PTPRK: variants seen among roughly 807,000 people sequenced by gnomAD.
The protein encoded by PTPRK is protein tyrosine phosphatase receptor type K, also known as receptor-type tyrosine-protein phosphatase kappa.
In PTPRK, 75 loss-of-function variants were observed where a neutral mutation model predicts 178.0. The ratio of observed to expected loss-of-function variants is 0.42; its 90% CI spans 0.35 to 0.51. The LOEUF (loss-of-function observed/expected upper bound fraction) is 0.51. PTPRK is among the 20% of genes least tolerant of loss of function. The pLI, the probability that PTPRK is intolerant of heterozygous loss-of-function variation, is 0.02. For synonymous variants in PTPRK, 637 were observed against 620.6 expected, an observed-to-expected ratio of 1.03 and a Z score of -0.39; for missense variants, 1,441 against 1,797.8, an observed-to-expected ratio of 0.80 and a Z score of 3.59.
chr6:128,400,588 A>C (rs192750024), intron 1 of PTPRK, among the ~76,000 whole-genome samples: 1 of 152,266 alleles, frequency 6.6e-6, no homozygotes, highest in East Asian at 1.9e-4. Flanking sequence ...TTAAAAGAGG[A>C]ATAGAGGGAA....
intron 7 of PTPRK, among the ~76,000 whole-genome samples, chr6:128,106,782 GTTTA>G (rs1256178458): frequency 2.6e-5 from 4 of 152,008 alleles, no homozygotes; most frequent in Non-Finnish European, 5.9e-5. Context: ...AAGTTTAGTC[GTTTA>G]TTTATCTTCA....
At chr6:128,084,264 G>A (rs951632145) in intron 8 of PTPRK, among the ~76,000 whole-genome samples, 3 of 151,982 alleles carry the variant, frequency 2.0e-5, no homozygotes, top group Middle Eastern at 3.2e-3. Context: ...AATAAATTAC[G>A]ATAATAATTA....
At chr6:128,199,653 C>T (rs1355530668) in intron 6 of PTPRK, among the ~76,000 whole-genome samples, 1 of 152,038 alleles carries the variant, frequency 6.6e-6, no homozygotes, top group Non-Finnish European at 1.5e-5. Context: ...AGAAAATCCA[C>T]CAACTCCCAC....
intron 8 of PTPRK, among the ~76,000 whole-genome samples, chr6:128,087,218 C>T (rs1024508277): frequency 2.0e-5 from 3 of 152,186 alleles, no homozygotes; most frequent in East Asian, 1.9e-4. Context: ...AACTAACAAA[C>T]CATATCCAAA....
intron 6 of PTPRK, among the ~76,000 whole-genome samples, chr6:128,198,259 C>A (rs1179779228): frequency 1.3e-5 from 2 of 152,176 alleles, no homozygotes; most frequent in Admixed American, 6.6e-5. Flanking sequence ...AAGATGCAAA[C>A]TTCCTAAAAT....
At chr6:128,080,790 C>T (rs1251491368) in intron 10 of PTPRK, among the ~76,000 whole-genome samples, 1 of 151,750 alleles carries the variant, frequency 6.6e-6, no homozygotes, top group African/African-American at 2.4e-5. Flanking sequence ...TGATGAGAAC[C>T]ACACTAACCA....
intron 7 of PTPRK, among the ~76,000 whole-genome samples, chr6:128,139,209 C>A (rs1027025597): frequency 1.3e-5 from 2 of 151,984 alleles, no homozygotes; most frequent in East Asian, 1.9e-4. Flanking sequence ...TTATGGAGAA[C>A]ATTGGATGAA....
intron 25 of PTPRK, among the ~76,000 whole-genome samples, chr6:127,980,165 C>T (rs1775131028): frequency 6.6e-6 from 1 of 152,192 alleles, no homozygotes; most frequent in African/African-American, 2.4e-5. Context: ...AAAAAATTAG[C>T]CGTGCATGGT....
intron 25 of PTPRK, 81 bp downstream of exon 25, chr6:127,981,035 G>T (rs867077219): frequency 7.8e-7 from 1 of 1,277,096 alleles, no homozygotes; most frequent in Admixed American, 2.6e-5. Flanking sequence ...TAATTTCCTC[G>T]AAAAGAAAAC....
intron 7 of PTPRK, among the ~76,000 whole-genome samples, chr6:128,111,725 C>T (rs1354473643): frequency 6.6e-6 from 1 of 152,066 alleles, no homozygotes; most frequent in Admixed American, 6.6e-5. Context: ...AGCTCAGGTG[C>T]TCTCCAGGAT....
intron 1 of PTPRK, among the ~76,000 whole-genome samples, chr6:128,473,562 G>A (rs1851003430): frequency 6.6e-6 from 1 of 151,826 alleles, no homozygotes; most frequent in African/African-American, 2.4e-5. Context: ...TTACTATTAT[G>A]GATGCAAAGT....
At position 128,089,997 on chromosome 6, in the gene PTPRK, AAAAT is replaced by A; in HGVS notation, c.1163-9_1163-6del. 1.3e-6 allele frequency: 2 copies of A among 1,584,662 alleles called. No individual in the cohort carries two copies. Among genetic ancestry groups the A allele is most frequent in the Non-Finnish European group, 1.7e-6 (2 of 1,153,792 alleles). The stretch of plus-strand genomic sequence containing the variant: ...TCTTTGGGGTTCTCATAGGTTCTGA[AAAAT>A]AAATCAGAGTTGTAGACAGCTGTCT... On this transcript the variant is annotated splice_region_variant and splice_polypyrimidine_tract_variant and intron_variant, in intron 7 of 29. Transcript: ENST00000368226.
At chr6:128,066,468 C>A (rs540481764) in intron 12 of PTPRK, among the ~76,000 whole-genome samples, 65 of 148,720 alleles carry the variant, frequency 4.4e-4, no homozygotes, top group Admixed American at 1.2e-3. Context: ...ACGGCCCCTG[C>A]AGAAATGCAA....
intron 1 of PTPRK, among the ~76,000 whole-genome samples, chr6:128,477,434 A>G (rs987854764): frequency 2.0e-5 from 3 of 151,904 alleles, no homozygotes; most frequent in Admixed American, 2.0e-4. Context: ...ACAAAGTTGC[A>G]ATCTCTTTTC....
At chr6:128,356,401 A>C (rs2128339867) in intron 2 of PTPRK, among the ~76,000 whole-genome samples, 1 of 152,312 alleles carries the variant, frequency 6.6e-6, no homozygotes, top group South Asian at 2.1e-4. Flanking sequence ...CTGACAGCTG[A>C]AACTAGTTTA....
intron 3 of PTPRK, among the ~76,000 whole-genome samples, chr6:128,257,866 T>C (rs1433800471): frequency 6.6e-6 from 1 of 152,172 alleles, no homozygotes; most frequent in South Asian, 2.1e-4. Context: ...TTTAATTTTC[T>C]CTATACTGCG....
chr6:128,471,604 T>TAAAAAAAAAAAAA (rs34372021), intron 1 of PTPRK, among the ~76,000 whole-genome samples: 1 of 63,594 alleles, frequency 1.6e-5, no homozygotes, highest in African/African-American at 5.4e-5. Context: ...CAAAACAACC[T>TAAAAAAAAAAAAA]AAAAAAAAAA....
intron 6 of PTPRK, among the ~76,000 whole-genome samples, chr6:128,192,899 AGGG>A (rs1804082135): frequency 6.9e-6 from 1 of 144,352 alleles, no homozygotes; most frequent in Non-Finnish European, 1.5e-5. Flanking sequence ...GAAGGGAGGA[AGGG>A]AGGAAGAGAA....
At chr6:127,998,353 C>T (rs1302216753) in intron 16 of PTPRK, among the ~76,000 whole-genome samples, 1 of 152,030 alleles carries the variant, frequency 6.6e-6, no homozygotes, top group Non-Finnish European at 1.5e-5. Context: ...GTACCTGCTA[C>T]TTGATTCATT....
Sources: gnomAD v4.1 joint callset for allele counts (sites outside exome capture counted in the v4.1 genomes callset) on GRCh38, gnomAD v4.1.1 for gene constraint, MANE v1.5 for transcripts, NCBI Gene and HGNC (gene_info 2026-07-23, HGNC 2026-07-21) for gene names.